SPEF2: variants seen among roughly 807,000 people sequenced by gnomAD.
SPEF2 encodes the protein sperm flagella and cilia-associated protein 2.
In SPEF2, 187 loss-of-function variants were observed where a neutral mutation model predicts 224.6. The ratio of observed to expected loss-of-function variants is 0.83; its 90% CI spans 0.74 to 0.94. The LOEUF (loss-of-function observed/expected upper bound fraction) is 0.94. Among genes scored for constraint, SPEF2 ranks in the 40% least tolerant of loss-of-function variants. The probability of loss-of-function intolerance (pLI) is 0.00; values close to 1 mark genes in which losing one functional copy is unlikely to be tolerated. For synonymous variants in SPEF2, 715 were observed against 707.3 expected (o/e 1.01, Z -0.17); for missense variants, 2,170 against 2,135.6 (o/e 1.02, Z -0.32).
rs1432856360 is a variant in SPEF2 at position 35,807,163 on chromosome 5, C to T, written c.5289C>T (p.Ala1763=). 4.3e-6 allele frequency: 7 copies of T among 1,613,522 alleles called. No homozygotes were observed. The South Asian group carries it at 4.4e-5, about 10-fold the overall frequency. The part of the protein sequence containing the change: ...GFIKTFQDLG[A]KNLEPIEVAV... ...TAAAAACATTTCAAGACCTAGGTGCCAAGAACCTGGAGCCAATTGAAGTCG... is the reference window on the plus strand; with the variant it reads ...TAAAAACATTTCAAGACCTAGGTGCTAAGAACCTGGAGCCAATTGAAGTCG... Residue 1763 remains alanine, a synonymous_variant, in exon 36 of 37, where the codon GCC becomes GCT. Transcript: ENST00000356031.
chr5:35,641,268 A>G (rs918897576), intron 2 of SPEF2, among the ~76,000 whole-genome samples, 163 bp from the exon 3 acceptor site: 1 of 152,192 alleles, frequency 6.6e-6, no homozygotes, highest in East Asian at 1.9e-4. Flanking sequence ...GTCAATAAAA[A>G]AATCTCAATG....
At position 35,617,975 on chromosome 5, in the gene SPEF2, C is replaced by T; in HGVS notation, c.-23C>T. ...TGGCGAGTTTCTAAGCCCCCGCCTG[C>T]GGTCTGAGGCACCGGCTGAACCATG... is the stretch of plus-strand genomic sequence containing the variant. On this transcript the variant is annotated 5_prime_UTR_variant, in exon 1 of 37. Coordinates refer to ENST00000356031, the MANE Select transcript of SPEF2 (RefSeq NM_024867.4). 1 of 1,567,014 alleles carries T rather than the reference C, an allele frequency of 6.4e-7. No homozygotes were observed. Among genetic ancestry groups the T allele is most frequent in the Non-Finnish European group, 8.7e-7 (1 of 1,153,666 alleles).
intron 34 of SPEF2, among the ~76,000 whole-genome samples, chr5:35,803,107 G>C (rs1245855022): frequency 1.3e-5 from 2 of 152,204 alleles, no homozygotes; most frequent in Non-Finnish European, 2.9e-5. Flanking sequence ...ACATGGCCAG[G>C]AAAGAAGTGA....
chr5:35,703,421 G>A (rs953909447), intron 16 of SPEF2, among the ~76,000 whole-genome samples: 1 of 152,120 alleles, frequency 6.6e-6, no homozygotes, highest in African/African-American at 2.4e-5. Context: ...AGGAATTTAG[G>A]GACTGGATGC....
At chr5:35,671,692 G>T (rs1276824605) in intron 10 of SPEF2, 4 of 222,670 alleles carry the variant, frequency 1.8e-5, no homozygotes, top group Non-Finnish European at 3.0e-5. Flanking sequence ...AAAGATTTTT[G>T]TCTCTTTAGC....
chr5:35,740,052 T>C lies in SPEF2; in HGVS notation c.3191+6T>C. The C allele has an allele frequency of 1.2e-6, 2 of 1,614,098 alleles. No individual in the cohort carries two copies. Among genetic ancestry groups the C allele is most frequent in the Non-Finnish European group, 1.7e-6 (2 of 1,179,990 alleles). ...GCTTACTTATATGAGATTAGGTAAG[T>C]AATGTTTCCAAAGTCAGAATTTTAC... On this transcript the variant is annotated splice_donor_region_variant and intron_variant, in intron 22 of 36. Transcript: ENST00000356031.
intron 26 of SPEF2, among the ~76,000 whole-genome samples, chr5:35,770,243 A>C (rs1752642136): frequency 6.6e-6 from 1 of 152,088 alleles, no homozygotes; most frequent in African/African-American, 2.4e-5. Flanking sequence ...ACAAATAATA[A>C]TTGCATATAT....
intron 21 of SPEF2, among the ~76,000 whole-genome samples, chr5:35,738,266 T>G (rs1481512375): frequency 6.6e-6 from 1 of 152,118 alleles, no homozygotes; most frequent in Non-Finnish European, 1.5e-5. Context: ...GCTTTTGGTG[T>G]TTTAGACATG....
intron 20 of SPEF2, among the ~76,000 whole-genome samples, chr5:35,725,076 A>C (rs183886726): frequency 1.3e-5 from 2 of 152,190 alleles, no homozygotes; most frequent in Non-Finnish European, 1.5e-5. Flanking sequence ...TAGTTTTTCA[A>C]CCGTGAGTTC....
intron 21 of SPEF2, among the ~76,000 whole-genome samples, chr5:35,729,592 C>T (rs1257559971): frequency 2.0e-5 from 3 of 152,180 alleles, no homozygotes; most frequent in Admixed American, 6.5e-5. Flanking sequence ...CCTTTTGCTA[C>T]AGCAAAACAT....
intron 31 of SPEF2, among the ~76,000 whole-genome samples, chr5:35,792,810 A>G (rs1415012831): frequency 1.3e-5 from 2 of 152,230 alleles, no homozygotes; most frequent in Non-Finnish European, 2.9e-5. Flanking sequence ...CAAAATGCTT[A>G]AAGAGCATTC....
chr5:35,670,016 T>G, intron 9 of SPEF2, 43 bp from the exon 10 acceptor site: 7 of 1,450,100 alleles, frequency 4.8e-6, no homozygotes, highest in Non-Finnish European at 6.6e-6. Context: ...AATCTATATT[T>G]GACTAACCAT....
At chr5:35,714,680 T>TTATTTA (rs373603694) in intron 20 of SPEF2, among the ~76,000 whole-genome samples, 2 of 134,524 alleles carry the variant, frequency 1.5e-5, no homozygotes, top group East Asian at 4.3e-4. Context: ...TTGGGTTTAT[T>TTATTTA]TTTATTTATT....
intron 33 of SPEF2, among the ~76,000 whole-genome samples, chr5:35,798,288 G>C (rs565872100): frequency 1.3e-5 from 2 of 150,344 alleles, no homozygotes; most frequent in South Asian, 4.3e-4. Context: ...TGTGCATTCT[G>C]ATCCTGTTGC....
Position 35,700,763 on chromosome 5 carries a change from C to T in SPEF2, c.2398+11C>T, listed in dbSNP as rs1411303664. ...TGAATGATATTATAGGTAAGCTGGA[C>T]ACCTTTTTTGACACTCTTTTTACAA... is the stretch of plus-strand genomic sequence containing the variant. On this transcript the variant is annotated intron_variant, in intron 16 of 36. Transcript: ENST00000356031. 4 of 1,611,726 alleles carry T rather than the reference C, an allele frequency of 2.5e-6. No homozygotes were observed.
chr5:35,654,140 A>G (rs1329819685), intron 6 of SPEF2, among the ~76,000 whole-genome samples: 1 of 146,686 alleles, frequency 6.8e-6, no homozygotes, highest in South Asian at 2.2e-4. Context: ...CATGCCTGTA[A>G]TCCCAGCTAC....
At chr5:35,779,074 G>C (rs762072296) in intron 29 of SPEF2, 43 bp from the exon 30 acceptor site, 20 of 1,434,828 alleles carry the variant, frequency 1.4e-5, no homozygotes, top group Non-Finnish European at 1.8e-5. Flanking sequence ...TAATCTAATA[G>C]TATCTTTCAT....
chr5:35,699,947 T>C (rs1472008094), intron 15 of SPEF2: 1 of 153,298 alleles, frequency 6.5e-6, no homozygotes, highest in Non-Finnish European at 1.5e-5. Flanking sequence ...TTCCCACATG[T>C]TGTGGGAGGG....
intron 26 of SPEF2, 34 bp from the exon 27 acceptor site, chr5:35,771,575 G>C (rs1261299497): frequency 6.3e-7 from 1 of 1,579,994 alleles, no homozygotes; most frequent in Admixed American, 2.0e-5. Flanking sequence ...TTGTAAATGA[G>C]ACATTAACTG....
Sources: gnomAD v4.1 joint callset for allele counts (sites outside exome capture counted in the v4.1 genomes callset) on GRCh38, gnomAD v4.1.1 for gene constraint, MANE v1.5 for transcripts, NCBI Gene and HGNC (gene_info 2026-07-23, HGNC 2026-07-21) for gene names.